OSBP2: variants seen among roughly 807,000 people sequenced by gnomAD.
OSBP2 encodes oxysterol binding protein 2.
A neutral mutation model predicts 96.0 loss-of-function variants in OSBP2; 66 were observed. The observed-to-expected ratio is 0.69, with a 90% confidence interval of 0.56 to 0.84. The LOEUF (loss-of-function observed/expected upper bound fraction) is 0.84. OSBP2 is among the 40% of genes least tolerant of loss of function. The pLI, the probability that OSBP2 is intolerant of heterozygous loss-of-function variation, is 0.00. For synonymous variants in OSBP2, 525 were observed against 520.9 expected, an observed-to-expected ratio of 1.01 and a Z score of -0.11; for missense variants, 1,038 against 1,222.7, an observed-to-expected ratio of 0.85 and a Z score of 2.25.
chr22:30,783,821 C>T (rs1196132580), intron 2 of OSBP2, among the ~76,000 whole-genome samples: 7 of 152,204 alleles, frequency 4.6e-5, no homozygotes, highest in Admixed American at 6.5e-5. Context: ...CGCTCTTGCT[C>T]GCAACATTGC....
chr22:30,902,126 G>GAAAAAAAAAAAAAAAAAAAAAAAAAA (rs35391426), intron 12 of OSBP2: 4 of 115,914 alleles, frequency 3.5e-5, no homozygotes, highest in Non-Finnish European at 5.6e-5. Flanking sequence ...AAAAAAAAAC[G>GAAAAAAAAAAAAAAAAAAAAAAAAAA]AAAAAAAAAA....
Position 30,707,743 on chromosome 22 carries a change from T to C in OSBP2, c.644+12190T>C, listed in dbSNP as rs114703356. 3.5e-3 allele frequency among the ~76,000 whole-genome samples: 527 copies of C among 151,872 alleles called. 4 individuals are homozygous for C. Among genetic ancestry groups the C allele is most frequent in the African/African-American group, 0.012 (495 of 41,438 alleles). ...AAAAAAAAAAAAAGAAAATGTACTTTTTGTAATTTTGTGTTTTGTTCCTAG... is the reference window on the plus strand; with the variant it reads ...AAAAAAAAAAAAAGAAAATGTACTTCTTGTAATTTTGTGTTTTGTTCCTAG... On this transcript the variant is annotated intron_variant, in intron 1 of 13. Transcript: ENST00000332585.
intron 12 of OSBP2, among the ~76,000 whole-genome samples, chr22:30,895,543 T>TAGAA (rs780050404): frequency 6.6e-6 from 1 of 152,062 alleles, no homozygotes; most frequent in African/African-American, 2.4e-5. Flanking sequence ...GTTAGAAAAT[T>TAGAA]CTACTTTCTA....
Position 30,729,949 on chromosome 22 carries a change from G to T in OSBP2, c.645-11212G>T, listed in dbSNP as rs1014406514. Among the ~76,000 whole-genome samples, 28 of 151,934 alleles carry T rather than the reference G, an allele frequency of 1.8e-4. No individual in the cohort carries two copies. The East Asian group carries it at 2.9e-3, about 16-fold the overall frequency. On this transcript the variant is annotated intron_variant, in intron 1 of 13. Coordinates refer to ENST00000332585, the MANE Select transcript of OSBP2 (RefSeq NM_030758.4). ...GAAGTGTGAGATAATAAATTTCTGG[G>T]TTTTTTTGTTTTTTGGGGTTTTTTT...
At position 30,818,351 on chromosome 22, in the gene OSBP2, T is replaced by G. The variant is rs192940778; in HGVS notation, c.854-52078T>G. On this transcript the variant is annotated intron_variant, in intron 2 of 13. Coordinates refer to ENST00000332585, the MANE Select transcript of OSBP2 (RefSeq NM_030758.4). The stretch of plus-strand genomic sequence containing the variant: ...CATAAATCTAAACAGCTCCCTGATA[T>G]TCCATGAAGTTGATGAAAGAGTGGA... Among the ~76,000 whole-genome samples, 7 of 152,314 alleles carry G rather than the reference T, an allele frequency of 4.6e-5. 1 individual carries two copies. Among genetic ancestry groups the G allele is most frequent in the Middle Eastern group, 6.8e-3 (2 of 294 alleles).
intron 12 of OSBP2, among the ~76,000 whole-genome samples, chr22:30,904,657 G>C (rs2147198700): frequency 6.6e-6 from 1 of 152,132 alleles, no homozygotes; most frequent in Admixed American, 6.5e-5. Flanking sequence ...AGTAGAGAAA[G>C]TATGAACAAG....
At chr22:30,804,694 T>C (rs2090902178) in intron 2 of OSBP2, among the ~76,000 whole-genome samples, 1 of 152,216 alleles carries the variant, frequency 6.6e-6, no homozygotes, top group Non-Finnish European at 1.5e-5. Context: ...TATACTTGAT[T>C]TACATTATTC....
intron 1 of OSBP2, among the ~76,000 whole-genome samples, chr22:30,736,037 C>T (rs1356448835): frequency 6.6e-6 from 1 of 152,130 alleles, no homozygotes; most frequent in African/African-American, 2.4e-5. Context: ...CCTCAGCCTC[C>T]CGAGTAGCTG....
At position 30,730,806 on chromosome 22, in the gene OSBP2, ATAATTTTT is replaced by A. The variant is rs1569100747; in HGVS notation, c.645-10353_645-10346del. Among the ~76,000 whole-genome samples the A allele has an allele frequency of 5.9e-3, 245 of 41,556 alleles. 24 individuals carry two copies. Among genetic ancestry groups the A allele is most frequent in the African/African-American group, 0.023 (179 of 7,758 alleles). The allele number at this position is 41,556 out of a possible 152,430, so 27.3% of individuals were successfully genotyped here. A position where few individuals can be genotyped will look rare whatever the true frequency, so the allele number is the denominator to read the frequency against. On this transcript the variant is annotated intron_variant, in intron 1 of 13. Coordinates refer to ENST00000332585, the MANE Select transcript of OSBP2 (RefSeq NM_030758.4). ...TATATATATATATATATATATATATATAATTTTTTTTTTTTTTCCCATGGACATTTTTG... is the reference window on the plus strand; with the variant it reads ...TATATATATATATATATATATATATATTTTTTTTTCCCATGGACATTTTTG...
chr22:30,862,599 G>C lies in OSBP2; in HGVS notation c.854-7830G>C, dbSNP rs548844192. On this transcript the variant is annotated intron_variant, in intron 2 of 13. Transcript: ENST00000332585. ...GGAGGCTGAGGCAGGAGACTCACTT[G>C]AACCTGGGAGGTGGAGGTTGCAGTG... is the stretch of plus-strand genomic sequence containing the variant. Among the ~76,000 whole-genome samples, 9 of 152,278 alleles carry C rather than the reference G, an allele frequency of 5.9e-5. No homozygotes were observed. The East Asian group carries it at 1.7e-3, about 29-fold the overall frequency.
chr22:30,846,439 C>G (rs1007451563), intron 2 of OSBP2, among the ~76,000 whole-genome samples: 13 of 152,174 alleles, frequency 8.5e-5, no homozygotes, highest in African/African-American at 2.9e-4. Context: ...GTGTGAGCCA[C>G]CGCACCCAGC....
At chr22:30,903,671 T>C (rs556803917) in intron 12 of OSBP2, among the ~76,000 whole-genome samples, 17 of 152,372 alleles carry the variant, frequency 1.1e-4, no homozygotes, top group African/African-American at 4.1e-4. Context: ...TCTTTTCTCC[T>C]GGGCCAAGGC....
At chr22:30,717,086 G>T (rs1392042569) in intron 1 of OSBP2, among the ~76,000 whole-genome samples, 6 of 96,576 alleles carry the variant, frequency 6.2e-5, no homozygotes, top group South Asian at 3.8e-4. Flanking sequence ...TAATTTTACT[G>T]TTTTTGTGTG....
At chr22:30,845,350 G>A (rs898071414) in intron 2 of OSBP2, among the ~76,000 whole-genome samples, 5 of 152,156 alleles carry the variant, frequency 3.3e-5, no homozygotes, top group African/African-American at 7.2e-5. Context: ...TTGATCCTGG[G>A]AGGCAGAGGT....
At chr22:30,905,134 CTTTTTTTTTTTTT>C (rs566334052) in intron 12 of OSBP2, among the ~76,000 whole-genome samples, 10 of 68,704 alleles carry the variant, frequency 1.5e-4, no homozygotes, top group Non-Finnish European at 1.9e-4. Context: ...CGAGACCCGT[CTTTTTTTTTTTTT>C]TTTTTTTTTT....
At chr22:30,797,859 G>A (rs2090787160) in intron 2 of OSBP2, among the ~76,000 whole-genome samples, 2 of 152,176 alleles carry the variant, frequency 1.3e-5, no homozygotes. Flanking sequence ...CTCCCAAAGT[G>A]CTAGGATTAC....
intron 2 of OSBP2, among the ~76,000 whole-genome samples, chr22:30,806,258 C>CA (rs1319004602): frequency 1.3e-5 from 2 of 152,212 alleles, no homozygotes; most frequent in Admixed American, 1.3e-4. Flanking sequence ...GGAGGGGCAG[C>CA]AGAGCCGGAG....
chr22:30,694,868 GC>G (rs2088994063), upstream of OSBP2: 6 of 966,100 alleles, frequency 6.2e-6, no homozygotes, highest in South Asian at 1.6e-4. Context: ...CCTGCCCCCC[GC>G]CCCCACTGGC....
At chr22:30,785,730 T>A (rs2090578976) in intron 2 of OSBP2, among the ~76,000 whole-genome samples, 1 of 152,140 alleles carries the variant, frequency 6.6e-6, no homozygotes, top group African/African-American at 2.4e-5. Flanking sequence ...GGGAGGTGAC[T>A]GGATCATGGG....
Sources: gnomAD v4.1 joint callset for allele counts (sites outside exome capture counted in the v4.1 genomes callset) on GRCh38, gnomAD v4.1.1 for gene constraint, MANE v1.5 for transcripts, NCBI Gene and HGNC (gene_info 2026-07-23, HGNC 2026-07-21) for gene names.